Variants in LRP1B observed in about 807,000 individuals in gnomAD.
The protein encoded by LRP1B is low-density lipoprotein receptor-related protein 1B.
LRP1B carries 217 observed loss-of-function variants against 556.6 expected under a neutral mutation model. The observed-to-expected ratio is 0.39, with a 90% confidence interval of 0.35 to 0.44. LRP1B has a LOEUF of 0.44. Ranked by LOEUF, LRP1B falls within the 20% of genes least tolerant of loss-of-function variation. LRP1B has a pLI of 1.00. For synonymous variants in LRP1B, 2,047 were observed against 1,865.8 expected (o/e 1.10, Z -2.50); for missense variants, 5,053 against 5,620.8 (o/e 0.90, Z 3.23).
chr2:141,166,183 G>A (rs1366583871), intron 7 of LRP1B, among the ~76,000 whole-genome samples: 2 of 151,784 alleles, frequency 1.3e-5, no homozygotes, highest in East Asian at 3.9e-4. Flanking sequence ...CCATACCAAT[G>A]TTCTTCCAGC....
chr2:141,964,875 C>A (rs1310977120), intron 1 of LRP1B, among the ~76,000 whole-genome samples: 2 of 150,714 alleles, frequency 1.3e-5, no homozygotes, highest in Middle Eastern at 3.5e-3. Flanking sequence ...CCAGAATCTA[C>A]AATGAACTCA....
In LRP1B at chr2:140,315,117, T is replaced by C. The variant is rs1332196437; in HGVS notation, c.12641-18A>G. 3.2e-6 allele frequency: 5 copies of C among 1,554,948 alleles called. No individual in the cohort carries two copies. The highest frequency in any genetic ancestry group is 4.4e-6 in the Non-Finnish European group (5 of 1,141,602). ...TGAATCATCTGTTTATGAGAAGAAA[T>C]GTACAAATTAGCATGTTTTCAGGGA... On this transcript the variant is annotated intron_variant, in intron 82 of 90. Transcript: ENST00000389484.
At chr2:141,186,133 G>A (rs953340530) in intron 7 of LRP1B, among the ~76,000 whole-genome samples, 5 of 148,052 alleles carry the variant, frequency 3.4e-5, no homozygotes, top group Admixed American at 6.8e-5. Context: ...CTTTCTCCAG[G>A]CATCCTTTTG....
At chr2:141,250,659 G>C (rs148911437) in intron 4 of LRP1B, among the ~76,000 whole-genome samples, 6 of 152,188 alleles carry the variant, frequency 3.9e-5, no homozygotes, top group Non-Finnish European at 7.4e-5. Flanking sequence ...TTTATAACTG[G>C]TTGGTTCAGA....
chr2:140,913,539 C>T (rs940829755), intron 21 of LRP1B, among the ~76,000 whole-genome samples: 3 of 151,724 alleles, frequency 2.0e-5, no homozygotes, highest in Admixed American at 1.3e-4. Flanking sequence ...TCTTAACATT[C>T]GAATATATAC....
rs1449136264 is a variant in LRP1B at position 141,646,991 on chromosome 2, CT to C, written c.205+163287del. The stretch of plus-strand genomic sequence containing the variant: ...TTTAATATAGCTGTTTCTTCTTCCT[CT>C]TCTTCCTCCTTGATTCCTCCCCTTG... On this transcript the variant is annotated intron_variant, in intron 2 of 90. Transcript: ENST00000389484. Among the ~76,000 whole-genome samples, 18 of 152,242 alleles carry C rather than the reference CT, an allele frequency of 1.2e-4. No individual in the cohort carries two copies. In the East Asian group the frequency reaches 3.5e-3, roughly 29 times the overall value.
chr2:141,514,987 C>T (rs13019402), intron 2 of LRP1B, among the ~76,000 whole-genome samples: 30,489 of 130,776 alleles, frequency 0.23, 3,486 homozygotes, highest in African/African-American at 0.33. Flanking sequence ...GACACTTAGG[C>T]GTTAGGCCAC....
At chr2:140,618,445 A>G (rs1683332162) in intron 41 of LRP1B, among the ~76,000 whole-genome samples, 1 of 152,148 alleles carries the variant, frequency 6.6e-6, no homozygotes, top group Admixed American at 6.6e-5. Flanking sequence ...GTGAGATTAG[A>G]AAGAATTGTG....
intron 85 of LRP1B, 49 bp from the exon 86 acceptor site, chr2:140,270,395 T>C: frequency 1.7e-6 from 2 of 1,169,366 alleles, no homozygotes; most frequent in South Asian, 1.2e-5. Flanking sequence ...TTGGCAACAT[T>C]ATTGCTGAAA....
intron 84 of LRP1B, among the ~76,000 whole-genome samples, chr2:140,280,063 A>G (rs1449722688): frequency 6.6e-6 from 1 of 151,798 alleles, no homozygotes; most frequent in Non-Finnish European, 1.5e-5. Flanking sequence ...GCTAAGTGAA[A>G]TGTTAGTGAA....
chr2:141,491,823 G>A (rs565526293), intron 2 of LRP1B, among the ~76,000 whole-genome samples: 7 of 152,012 alleles, frequency 4.6e-5, no homozygotes, highest in Non-Finnish European at 1.0e-4. Context: ...ACTCTTAAGA[G>A]GCATTTGTTT....
chr2:141,608,196 C>T (rs147261304), intron 2 of LRP1B, among the ~76,000 whole-genome samples: 2,253 of 152,130 alleles, frequency 0.015, 37 homozygotes, highest in Non-Finnish European at 0.019. Flanking sequence ...TTCACTCCAG[C>T]CTGGGCAATA....
chr2:140,270,391 A>G (rs777516018), intron 85 of LRP1B, 45 bp from the exon 86 acceptor site: 1 of 1,201,200 alleles, frequency 8.3e-7, no homozygotes, highest in East Asian at 2.3e-5. Flanking sequence ...GTTATTGGCA[A>G]CATTATTGCT....
chr2:141,919,133 T>G (rs576648997), intron 1 of LRP1B, among the ~76,000 whole-genome samples: 46 of 152,150 alleles, frequency 3.0e-4, no homozygotes, highest in Non-Finnish European at 6.3e-4. Context: ...AGAATCAAGT[T>G]TTACACTTGT....
At chr2:141,186,041 T>C (rs1681236888) in intron 7 of LRP1B, among the ~76,000 whole-genome samples, 1 of 123,070 alleles carries the variant, frequency 8.1e-6, no homozygotes, top group Admixed American at 1.1e-4. Flanking sequence ...ATTGTGCCAC[T>C]GTACTCCAGC....
intron 7 of LRP1B, among the ~76,000 whole-genome samples, chr2:141,150,869 T>TTTTGTG (rs1553467365): frequency 1.4e-3 from 192 of 138,704 alleles, no homozygotes; most frequent in Non-Finnish European, 2.4e-3. Context: ...TCATGCTGGT[T>TTTTGTG]TGTGTGTGTG....
At chr2:141,590,525 T>G (rs1005467808) in intron 2 of LRP1B, among the ~76,000 whole-genome samples, 4 of 152,146 alleles carry the variant, frequency 2.6e-5, no homozygotes, top group African/African-American at 9.7e-5. Flanking sequence ...TCATTCTGAA[T>G]TAAGCCTCAA....
intron 3 of LRP1B, among the ~76,000 whole-genome samples, chr2:141,414,246 A>AAAAAAAAAAAGAAAAG (rs1553511548): frequency 8.8e-5 from 13 of 147,808 alleles, no homozygotes; most frequent in African/African-American, 3.4e-4. Flanking sequence ...TCAAAAAAAA[A>AAAAAAAAAAAGAAAAG]AAAAAAAGAA....
intron 21 of LRP1B, among the ~76,000 whole-genome samples, chr2:140,919,530 C>T (rs1694676469): frequency 6.6e-6 from 1 of 152,016 alleles, no homozygotes; most frequent in African/African-American, 2.4e-5. Context: ...GTTCTGATTT[C>T]CAGTAATGCC....
Sources: gnomAD v4.1 joint callset for allele counts (sites outside exome capture counted in the v4.1 genomes callset) on GRCh38, gnomAD v4.1.1 for gene constraint, MANE v1.5 for transcripts, NCBI Gene and HGNC (gene_info 2026-07-23, HGNC 2026-07-21) for gene names.